The following NIBAN1 variants were observed in gnomAD, a reference collection of about 807,000 sequenced individuals.
The protein encoded by NIBAN1 is niban apoptosis regulator 1.
In NIBAN1, 81 loss-of-function variants were observed where a neutral mutation model predicts 75.1. That is an observed-to-expected ratio of 1.08 (90% CI 0.90 to 1.30). The LOEUF (loss-of-function observed/expected upper bound fraction) is 1.30, where lower values mean the gene tolerates loss of function less well. Among genes scored for constraint, NIBAN1 ranks in the 50% most tolerant of loss-of-function variants. The pLI is 0.00. For synonymous variants in NIBAN1, 436 were observed against 424.8 expected (o/e 1.03, Z -0.32); for missense variants, 1,133 against 1,128.1 (o/e 1.00, Z -0.06).
At chr1:184,807,600 C>A (rs1654241137) in intron 10 of NIBAN1, among the ~76,000 whole-genome samples, 1 of 152,050 alleles carries the variant, frequency 6.6e-6, no homozygotes, top group African/African-American at 2.4e-5. Context: ...CCAGCCTGGC[C>A]AACACAGTAA....
At chr1:184,843,052 G>A (rs1243181085) in intron 5 of NIBAN1, among the ~76,000 whole-genome samples, 3 of 152,156 alleles carry the variant, frequency 2.0e-5, no homozygotes, top group South Asian at 2.1e-4. Flanking sequence ...ATGAACCCTC[G>A]CATTTAGTCA....
At chr1:184,881,030 A>T (rs528787754) in intron 5 of NIBAN1, among the ~76,000 whole-genome samples, 3 of 152,266 alleles carry the variant, frequency 2.0e-5, no homozygotes, top group Admixed American at 6.5e-5. Context: ...GGATTTTCTT[A>T]TGCCTGCCCA....
chr1:184,814,800 T>C (rs534870461), intron 9 of NIBAN1, among the ~76,000 whole-genome samples: 1 of 152,338 alleles, frequency 6.6e-6, no homozygotes, highest in Non-Finnish European at 1.5e-5. Flanking sequence ...TTACCTATGA[T>C]AAACCATTAG....
intron 5 of NIBAN1, among the ~76,000 whole-genome samples, chr1:184,832,375 C>T (rs1440544339): frequency 6.6e-6 from 1 of 152,242 alleles, no homozygotes; most frequent in Non-Finnish European, 1.5e-5. Flanking sequence ...AACAATTTCT[C>T]TGTGACTCGG....
chr1:184,960,437 AT>A (rs144180799), intron 1 of NIBAN1, among the ~76,000 whole-genome samples: 2 of 152,220 alleles, frequency 1.3e-5, no homozygotes, highest in East Asian at 3.9e-4. Flanking sequence ...ACAGTTTAAA[AT>A]TTTTTCTTCT....
chr1:184,803,504 T>G, intron 12 of NIBAN1, 81 bp downstream of exon 12: 1 of 1,076,390 alleles, frequency 9.3e-7, no homozygotes. Flanking sequence ...GTCTGCTGTT[T>G]GCCAGTACAC....
intron 5 of NIBAN1, among the ~76,000 whole-genome samples, chr1:184,881,941 A>T (rs1265422738): frequency 1.3e-5 from 2 of 152,132 alleles, no homozygotes; most frequent in African/African-American, 4.8e-5. Flanking sequence ...TGCCTTAACC[A>T]TCTGGGAATG....
At chr1:184,935,159 T>C (rs1256669905) in intron 1 of NIBAN1, among the ~76,000 whole-genome samples, 1 of 152,110 alleles carries the variant, frequency 6.6e-6, no homozygotes, top group African/African-American at 2.4e-5. Flanking sequence ...TGTCACATAC[T>C]ACAGCTGTCA....
intron 8 of NIBAN1, 30 bp from the exon 9 acceptor site, chr1:184,818,855 A>T (rs1368672284): frequency 6.4e-7 from 1 of 1,550,944 alleles, no homozygotes; most frequent in East Asian, 2.3e-5. Context: ...AAAAACCGTG[A>T]CATATGGCAA....
At chr1:184,926,206 A>G (rs185867741) in intron 1 of NIBAN1, among the ~76,000 whole-genome samples, 297 of 152,168 alleles carry the variant, frequency 2.0e-3, no homozygotes, top group African/African-American at 6.6e-3. Flanking sequence ...GCTGCCAGAC[A>G]TATTGGAGCT....
intron 5 of NIBAN1, among the ~76,000 whole-genome samples, chr1:184,875,898 G>C (rs1389054830): frequency 6.6e-6 from 1 of 152,124 alleles, no homozygotes; most frequent in African/African-American, 2.4e-5. Flanking sequence ...ATAAGGCCAG[G>C]CACGATGGCT....
rs901072575 is a variant in NIBAN1 at position 184,884,702 on chromosome 1, A to T, written c.532T>A (p.Phe178Ile). The change falls in exon 5 of 14, where the codon TTC becomes ATC. Residue 178 changes from phenylalanine to isoleucine, a missense_variant. Coordinates refer to ENST00000367511, the MANE Select transcript of NIBAN1 (RefSeq NM_052966.4). Reference sequence around the variant, plus strand: ...CTCTTCTGGTCAGCAGCCTCGTGGAAGCAGAAGTAGCCGTGTCTGAAGAAG... The same window carrying T: ...CTCTTCTGGTCAGCAGCCTCGTGGATGCAGAAGTAGCCGTGTCTGAAGAAG... ...QPFFRHGYFC[F>I]HEAADQKRFS... is the part of the protein sequence containing the mutation. The T allele has an allele frequency of 1.9e-6, 3 of 1,614,204 alleles. No individual in the cohort carries two copies. The highest frequency in any genetic ancestry group is 2.5e-6 in the Non-Finnish European group (3 of 1,180,008).
At chr1:184,871,914 C>T (rs1264601281) in intron 5 of NIBAN1, among the ~76,000 whole-genome samples, 1 of 152,114 alleles carries the variant, frequency 6.6e-6, no homozygotes, top group Non-Finnish European at 1.5e-5. Context: ...CCTAAATGCA[C>T]ATTAGCTACA....
At position 184,940,803 on chromosome 1, in the gene NIBAN1, G is replaced by A. The variant is rs141184509; in HGVS notation, c.55+33499C>T. ...CAGTTAATAGATGAAATAGATAACC[G>A]CTGCAAAAATATGAGGAGGATCATT... On this transcript the variant is annotated intron_variant, in intron 1 of 13. Coordinates refer to ENST00000367511, the MANE Select transcript of NIBAN1 (RefSeq NM_052966.4). Among the ~76,000 whole-genome samples the A allele has an allele frequency of 1.6e-3, 242 of 152,252 alleles. 3 individuals carry two copies. The highest frequency in any genetic ancestry group is 5.4e-3 in the African/African-American group (225 of 41,542).
rs780436537 is a variant in NIBAN1, at chr1:184,798,110, T to C, written c.1635A>G (p.Leu545=). Residue 545 remains leucine (L), a synonymous_variant, in exon 13 of 14, where the codon TTA becomes TTG. Coordinates refer to ENST00000367511, the MANE Select transcript of NIBAN1 (RefSeq NM_052966.4). ...GAGTTTCATCAAGCAGGATCTGATG[T>C]AAAATCTCCTCATAGACATTTTCAA... ...IHVENVYEEI[L]HQILLDETLK... The C allele has an allele frequency of 6.2e-7, 1 of 1,611,708 alleles. No individual in the cohort carries two copies. The highest frequency in any genetic ancestry group is 1.7e-5 in the Admixed American group (1 of 59,986).
chr1:184,960,670 C>A (rs910559715), intron 1 of NIBAN1, among the ~76,000 whole-genome samples: 1 of 144,286 alleles, frequency 6.9e-6, no homozygotes, highest in African/African-American at 2.6e-5. Flanking sequence ...TCTATCTTGC[C>A]CAGACTGGAG....
chr1:184,870,747 A>G (rs234647), intron 5 of NIBAN1, among the ~76,000 whole-genome samples: 13,037 of 152,182 alleles, frequency 0.086, 727 homozygotes, highest in African/African-American at 0.16. Flanking sequence ...GCAAAAACCT[A>G]TGGTGTTCAG....
intron 6 of NIBAN1, among the ~76,000 whole-genome samples, chr1:184,829,516 G>A (rs939731463): frequency 1.4e-5 from 2 of 147,242 alleles, no homozygotes; most frequent in African/African-American, 5.0e-5. Flanking sequence ...ACCTGGGCTG[G>A]AGTAGGGTGG....
At chr1:184,884,167 C>T (rs1333620748) in intron 5 of NIBAN1, among the ~76,000 whole-genome samples, 1 of 151,688 alleles carries the variant, frequency 6.6e-6, no homozygotes, top group African/African-American at 2.4e-5. Flanking sequence ...ACAGAACTCT[C>T]CCTTTACCTG....
Sources: gnomAD v4.1 joint callset for allele counts (sites outside exome capture counted in the v4.1 genomes callset) on GRCh38, gnomAD v4.1.1 for gene constraint, MANE v1.5 for transcripts, NCBI Gene and HGNC (gene_info 2026-07-23, HGNC 2026-07-21) for gene names.